The following MAGI1 variants were observed in gnomAD, a reference collection of about 807,000 sequenced individuals.
MAGI1 encodes membrane associated guanylate kinase, WW and PDZ domain containing 1, also known as membrane-associated guanylate kinase, WW and PDZ domain-containing protein 1.
MAGI1 carries 58 observed loss-of-function variants against 139.9 expected under a neutral mutation model. The ratio of observed to expected loss-of-function variants is 0.41; its 90% CI spans 0.34 to 0.52. MAGI1 has a LOEUF of 0.52. Among genes scored for constraint, MAGI1 ranks in the 20% least tolerant of loss-of-function variants. The pLI is 0.12. For missense variants in MAGI1, 1,874 were observed against 1,901.6 expected (o/e 0.99, Z 0.27); for synonymous variants, 812 against 737.9 (o/e 1.10, Z -1.63).
chr3:65,998,186 C>T (rs575074347), intron 1 of MAGI1, among the ~76,000 whole-genome samples: 74 of 152,164 alleles, frequency 4.9e-4, no homozygotes, highest in African/African-American at 1.8e-3. Flanking sequence ...CCTCCTCCCC[C>T]AGCCTTCATG....
chr3:65,769,637 G>C (rs2037782731), intron 1 of MAGI1, among the ~76,000 whole-genome samples: 1 of 152,192 alleles, frequency 6.6e-6, no homozygotes, highest in Non-Finnish European at 1.5e-5. Flanking sequence ...AGAAGCCATA[G>C]CCGGGAAGAT....
chr3:65,837,043 T>G (rs1177159564), intron 1 of MAGI1, among the ~76,000 whole-genome samples: 17 of 152,052 alleles, frequency 1.1e-4, no homozygotes, highest in Admixed American at 1.1e-3. Flanking sequence ...TGTGACACCT[T>G]TTGGAAGAGG....
chr3:65,989,914 A>G (rs2066079356), intron 1 of MAGI1, among the ~76,000 whole-genome samples: 1 of 152,218 alleles, frequency 6.6e-6, no homozygotes, highest in African/African-American at 2.4e-5. Context: ...GCTGTCATAT[A>G]AAACCTATGA....
intron 2 of MAGI1, among the ~76,000 whole-genome samples, chr3:65,536,893 A>T (rs1309551191): frequency 6.6e-6 from 1 of 152,208 alleles, no homozygotes; most frequent in African/African-American, 2.4e-5. Context: ...AGATACAAGG[A>T]CAGATTGCTA....
chr3:65,718,999 AG>A (rs2032635397), intron 1 of MAGI1, among the ~76,000 whole-genome samples: 1 of 139,782 alleles, frequency 7.2e-6, no homozygotes, highest in African/African-American at 2.8e-5. Flanking sequence ...ACTTCTACCC[AG>A]TAGCACATAA....
intron 1 of MAGI1, among the ~76,000 whole-genome samples, chr3:65,783,815 A>G (rs2039148033): frequency 6.6e-6 from 1 of 151,740 alleles, no homozygotes; most frequent in African/African-American, 2.4e-5. Flanking sequence ...AAAAAAAAAA[A>G]AAAAATTAAT....
intron 1 of MAGI1, chr3:65,717,558 C>T (rs895073688): frequency 6.6e-6 from 1 of 152,156 alleles, no homozygotes; most frequent in Non-Finnish European, 1.5e-5. Context: ...TTTCAGAGCA[C>T]GTTCTCAGAT....
intron 5 of MAGI1, among the ~76,000 whole-genome samples, chr3:65,467,440 G>T (rs1950242975): frequency 6.6e-6 from 1 of 152,056 alleles, no homozygotes; most frequent in South Asian, 2.1e-4. Flanking sequence ...TATAATTTAG[G>T]CTAAAATATA....
intron 1 of MAGI1, among the ~76,000 whole-genome samples, chr3:65,866,808 A>T (rs563001922): frequency 6.6e-6 from 1 of 151,790 alleles, no homozygotes; most frequent in African/African-American, 2.4e-5. Flanking sequence ...ACAAACAAAC[A>T]AACATAACTT....
Position 65,391,360 on chromosome 3 carries a change from TGAAA to T in MAGI1, c.2200-6_2200-3del. 6.2e-7 allele frequency: 1 copy of T among 1,613,674 alleles called. No homozygotes were observed. Among genetic ancestry groups the T allele is most frequent in the Non-Finnish European group, 8.5e-7 (1 of 1,179,576 alleles). On this transcript the variant is annotated splice_region_variant and splice_polypyrimidine_tract_variant and intron_variant, in intron 13 of 22. Transcript: ENST00000402939. The stretch of plus-strand genomic sequence containing the variant: ...GCTGTCTTTCCTTTCCAGTGGTTGC[TGAAA>T]GTAAGCAAGTGAGAGGGGCAAGAAG...
rs1294470374 is a variant in MAGI1, at chr3:65,369,953, T to C, written c.3197-5007A>G. On this transcript the variant is annotated intron_variant, in intron 18 of 22. Transcript: ENST00000402939. ...AAAAATCTGAAAGAGACCTGAGGCA[T>C]AGGCACCTCCATTTTACCTTGGAAT... 3.9e-5 allele frequency among the ~76,000 whole-genome samples: 6 copies of C among 152,314 alleles called. No individual in the cohort carries two copies. In the East Asian group the frequency reaches 1.2e-3, roughly 29 times the overall value.
chr3:65,439,885 T>TCTG lies in MAGI1; in HGVS notation c.1261_1263dup (p.Gln421dup), dbSNP rs142043619. On this transcript the variant is annotated inframe_insertion, in exon 9 of 23. Transcript: ENST00000402939. ...CTAGAGGAAAGAGGCCAACCTTCTG[T>TCTG]CTGCTGCTGCTGCTGCTGCTGCTGC... is the stretch of plus-strand genomic sequence containing the variant. The TCTG allele has an allele frequency of 0.3, 479,229 of 1,584,280 alleles. 36,731 individuals are homozygous for TCTG. The highest frequency in any genetic ancestry group is 0.53 in the East Asian group (22,702 of 42,452).
At chr3:65,882,936 A>C (rs1575833401) in intron 1 of MAGI1, among the ~76,000 whole-genome samples, 1 of 80,990 alleles carries the variant, frequency 1.2e-5, no homozygotes, top group South Asian at 2.5e-4. Context: ...CCCTGTCTCA[A>C]AAAAAAAAAA....
chr3:65,996,730 C>G (rs569757511), intron 1 of MAGI1, among the ~76,000 whole-genome samples: 1 of 152,352 alleles, frequency 6.6e-6, no homozygotes, highest in South Asian at 2.1e-4. Context: ...AATAGACACT[C>G]CAGCTTGTGC....
chr3:65,941,409 G>A (rs560949497), intron 1 of MAGI1, among the ~76,000 whole-genome samples: 1 of 151,858 alleles, frequency 6.6e-6, no homozygotes, highest in Admixed American at 6.6e-5. Flanking sequence ...AATACAAAAC[G>A]GCATCAGATT....
chr3:65,768,457 C>T (rs1250922251), intron 1 of MAGI1, among the ~76,000 whole-genome samples: 1 of 152,000 alleles, frequency 6.6e-6, no homozygotes, highest in Non-Finnish European at 1.5e-5. Flanking sequence ...ACTGGTGCCA[C>T]CATATTAAAT....
At chr3:65,821,426 C>T (rs2041943720) in intron 1 of MAGI1, among the ~76,000 whole-genome samples, 2 of 152,160 alleles carry the variant, frequency 1.3e-5, no homozygotes, top group South Asian at 4.1e-4. Flanking sequence ...TGCTGCATGC[C>T]TGGCATGCTT....
intron 9 of MAGI1, among the ~76,000 whole-genome samples, chr3:65,437,824 T>A (rs750301204): frequency 6.6e-6 from 1 of 152,196 alleles, no homozygotes; most frequent in Non-Finnish European, 1.5e-5. Flanking sequence ...ACATATTCAA[T>A]TGTACATTCT....
intron 1 of MAGI1, among the ~76,000 whole-genome samples, chr3:66,008,572 C>T (rs932378607): frequency 2.0e-5 from 3 of 152,168 alleles, no homozygotes; most frequent in Non-Finnish European, 4.4e-5. Context: ...GTGGCAAGTG[C>T]TGCAAAAGGG....
Sources: gnomAD v4.1 joint callset for allele counts (sites outside exome capture counted in the v4.1 genomes callset) on GRCh38, gnomAD v4.1.1 for gene constraint, MANE v1.5 for transcripts, NCBI Gene and HGNC (gene_info 2026-07-23, HGNC 2026-07-21) for gene names.